Variants in DNAJC13 observed in about 807,000 individuals in gnomAD.
The protein encoded by DNAJC13 is DnaJ heat shock protein family (Hsp40) member C13.
Under a neutral mutation model 290.5 loss-of-function variants are expected in DNAJC13, and 75 were observed. The ratio of observed to expected loss-of-function variants is 0.26; its 90% CI spans 0.21 to 0.31. The LOEUF (loss-of-function observed/expected upper bound fraction) is 0.31. DNAJC13 is among the 10% of genes least tolerant of loss of function. DNAJC13 has a pLI of 1.00. For missense variants in DNAJC13, 2,260 were observed against 2,674.5 expected, an observed-to-expected ratio of 0.85 and a Z score of 3.42; for synonymous variants, 862 against 892.0, an observed-to-expected ratio of 0.97 and a Z score of 0.60.
At chr3:132,435,580 A>G (rs1939364878) in intron 2 of DNAJC13, among the ~76,000 whole-genome samples, 2 of 152,186 alleles carry the variant, frequency 1.3e-5, no homozygotes, top group African/African-American at 4.8e-5. Flanking sequence ...GCTCAATTGT[A>G]TGAACTCCTA....
intron 35 of DNAJC13, 112 bp from the exon 36 acceptor site, chr3:132,496,415 TA>T: frequency 9.5e-7 from 1 of 1,049,014 alleles, no homozygotes; most frequent in Non-Finnish European, 1.3e-6. Context: ...TACCTTAATA[TA>T]AACAATAAAA....
rs769756051 is a variant in DNAJC13, at chr3:132,492,426, A to G, written c.3636A>G (p.Ile1212Met). 3.7e-6 allele frequency: 6 copies of G among 1,613,796 alleles called. No individual in the cohort carries two copies. In the Admixed American group the frequency reaches 5.0e-5, roughly 13 times the overall value. ...TTTATGATTGTAGGCGCCTGATGAT[A>G]GAGAAGATTGCTGCCCATCTCGCGG... ...IWSSEMRRLMIEKIAAHLADF... is the reference protein window; with the variant it reads ...IWSSEMRRLMMEKIAAHLADF... The change falls in exon 33 of 56, where the codon ATA becomes ATG. Residue 1212 changes from isoleucine to methionine, a missense_variant. Ile to Met is a conservative substitution (Grantham distance 10). Around this residue, in one of 3 missense-constraint regions of DNAJC13, gnomAD observed 1,494 missense variants for 1,693.7 expected, o/e 0.88. Transcript: ENST00000260818.
At chr3:132,446,987 T>C (rs2107660786) in intron 3 of DNAJC13, among the ~76,000 whole-genome samples, 1 of 152,224 alleles carries the variant, frequency 6.6e-6, no homozygotes, top group East Asian at 1.9e-4. Flanking sequence ...TTCAAAGATA[T>C]TCTGGCCTAT....
intron 2 of DNAJC13, 143 bp from the exon 3 acceptor site, chr3:132,446,332 A>T (rs1327098488): frequency 1.8e-6 from 1 of 566,754 alleles, no homozygotes; most frequent in Admixed American, 3.6e-5. Context: ...AAAGGTGAGA[A>T]TATATAACTA....
intron 27 of DNAJC13, 94 bp from the exon 28 acceptor site, chr3:132,483,281 C>T: frequency 8.9e-7 from 1 of 1,122,736 alleles, no homozygotes; most frequent in Non-Finnish European, 1.3e-6. Flanking sequence ...ATGTTTGTTT[C>T]ATAATTTAGT....
At chr3:132,511,281 A>G in intron 44 of DNAJC13, 37 bp downstream of exon 44, 1 of 1,588,892 alleles carries the variant, frequency 6.3e-7, no homozygotes, top group South Asian at 1.1e-5. Context: ...AGACTCGTAT[A>G]ATACAGGAGC....
Position 132,447,336 on chromosome 3 carries a change from A to G in DNAJC13, c.160A>G (p.Ile54Val), listed in dbSNP as rs1933280514. ...TTTTTTTAAGTGGCCTTATGGAGAC[A>G]TTTGCAGCATCAGCCCTGTTGGAAA... ...EVTNQWPYGDICSISPVGKGQ... is the reference protein window; with the variant it reads ...EVTNQWPYGDVCSISPVGKGQ... The change falls in exon 4 of 56, where the codon ATT becomes GTT. Residue 54 changes from isoleucine (I) to valine (V), a missense_variant. Around this residue, in one of 3 missense-constraint regions of DNAJC13, gnomAD observed 762 missense variants for 964.1 expected, o/e 0.79. Transcript: ENST00000260818. 1 of 1,580,000 alleles carries G rather than the reference A, an allele frequency of 6.3e-7. No individual in the cohort carries two copies. The highest frequency in any genetic ancestry group is 1.2e-5 in the South Asian group (1 of 85,052).
At chr3:132,537,051 G>A in intron 55 of DNAJC13, 1 of 449,422 alleles carries the variant, frequency 2.2e-6, no homozygotes, top group Non-Finnish European at 4.5e-6. Context: ...CTGAATGGTG[G>A]CCTTTTTGTC....
intron 32 of DNAJC13, among the ~76,000 whole-genome samples, chr3:132,492,074 C>T (rs1406484734): frequency 2.6e-5 from 4 of 152,084 alleles, no homozygotes; most frequent in Non-Finnish European, 4.4e-5. Flanking sequence ...ATCTAGCGAG[C>T]TTCTTTGGAT....
intron 15 of DNAJC13, among the ~76,000 whole-genome samples, chr3:132,461,743 G>A (rs1049479730): frequency 6.6e-6 from 1 of 152,016 alleles, no homozygotes; most frequent in African/African-American, 2.4e-5. Context: ...CCAGACTGGA[G>A]TGCGGTGATG....
intron 46 of DNAJC13, among the ~76,000 whole-genome samples, chr3:132,515,986 G>A (rs1463609132): frequency 6.6e-6 from 1 of 152,166 alleles, no homozygotes; most frequent in Non-Finnish European, 1.5e-5. Flanking sequence ...ATGCAATTAT[G>A]TCTTAGAATG....
At chr3:132,476,120 GA>G (rs749638575) in intron 22 of DNAJC13, among the ~76,000 whole-genome samples, 25 of 152,166 alleles carry the variant, frequency 1.6e-4, no homozygotes, top group Non-Finnish European at 2.9e-4. Context: ...TTTTTATGGA[GA>G]CGAGGTTTCA....
chr3:132,477,375 T>C (rs1279957882), intron 22 of DNAJC13, among the ~76,000 whole-genome samples: 1 of 152,154 alleles, frequency 6.6e-6, no homozygotes, highest in Non-Finnish European at 1.5e-5. Flanking sequence ...TTTACGAAAA[T>C]GTAAAAGGTA....
intron 22 of DNAJC13, among the ~76,000 whole-genome samples, chr3:132,475,886 C>T (rs1168711650): frequency 6.6e-6 from 1 of 152,020 alleles, no homozygotes; most frequent in African/African-American, 2.4e-5. Context: ...TTATTCATTG[C>T]CTCAATGAAA....
intron 55 of DNAJC13, chr3:132,537,188 G>GC (rs1444800004): frequency 1.1e-5 from 5 of 456,084 alleles, no homozygotes; most frequent in Non-Finnish European, 2.2e-5. Flanking sequence ...ACTGGCAGCA[G>GC]CCCCCTTCAC....
Position 132,488,467 on chromosome 3 carries a change from G to T in DNAJC13, c.3422+15G>T. 1 of 1,591,444 alleles carries T rather than the reference G, an allele frequency of 6.3e-7. No homozygotes were observed. The highest frequency in any genetic ancestry group is 8.5e-7 in the Non-Finnish European group (1 of 1,170,182). On this transcript the variant is annotated intron_variant, in intron 30 of 55. Transcript: ENST00000260818. ...CCTGTTGCTCGGTAAGAACTTTAAG[G>T]GTAATCTATTTAAAAGTATTATTTG...
intron 17 of DNAJC13, among the ~76,000 whole-genome samples, chr3:132,465,748 G>A (rs546749463): frequency 1.3e-5 from 2 of 151,286 alleles, no homozygotes; most frequent in South Asian, 2.1e-4. Context: ...TTTCCTGTTC[G>A]GGTTTATTGA....
intron 53 of DNAJC13, among the ~76,000 whole-genome samples, chr3:132,526,768 G>A (rs886795524): frequency 6.6e-6 from 1 of 152,050 alleles, no homozygotes; most frequent in Non-Finnish European, 1.5e-5. Flanking sequence ...AACTGGACTT[G>A]GTGGATATCC....
At chr3:132,467,893 C>T (rs940063079) in intron 20 of DNAJC13, among the ~76,000 whole-genome samples, 1 of 151,948 alleles carries the variant, frequency 6.6e-6, no homozygotes, top group South Asian at 2.1e-4. Flanking sequence ...TCTTCCATTC[C>T]AGTTTTTGTT....
Sources: gnomAD v4.1 joint callset for allele counts (sites outside exome capture counted in the v4.1 genomes callset) on GRCh38, gnomAD v4.1.1 for gene constraint, gnomAD v4.1.1 regional missense constraint, MANE v1.5 for transcripts, NCBI Gene and HGNC (gene_info 2026-07-23, HGNC 2026-07-21) for gene names.